Variants in RFX2 observed in about 807,000 individuals in gnomAD.
RFX2 encodes regulatory factor X2.
Under a neutral mutation model 87.8 loss-of-function variants are expected in RFX2, and 20 were observed. That is an observed-to-expected ratio of 0.23 (90% CI 0.16 to 0.33). RFX2 has a LOEUF of 0.33. Ranked by LOEUF, RFX2 falls within the 10% of genes least tolerant of loss-of-function variation. The pLI, the probability that RFX2 is intolerant of heterozygous loss-of-function variation, is 1.00. For synonymous variants in RFX2, 397 were observed against 431.3 expected (o/e 0.92, Z 0.98); for missense variants, 767 against 1,012.3 (o/e 0.76, Z 3.29).
chr19:6,096,645 A>C (rs906858859), intron 1 of RFX2, among the ~76,000 whole-genome samples: 7 of 152,070 alleles, frequency 4.6e-5, no homozygotes, highest in Non-Finnish European at 8.8e-5. Flanking sequence ...ACGGGGTTTC[A>C]CCATGTTAGC....
At chr19:6,108,903 G>A (rs1329520147) in intron 1 of RFX2, among the ~76,000 whole-genome samples, 2 of 152,062 alleles carry the variant, frequency 1.3e-5, no homozygotes, top group Non-Finnish European at 2.9e-5. Flanking sequence ...CTTTCCCAGC[G>A]GTGCAGCGAG....
In RFX2 at chr19:6,022,861, G is replaced by A. The variant is rs181360561; in HGVS notation, c.597+3302C>T. 1.3e-5 allele frequency among the ~76,000 whole-genome samples: 2 copies of A among 152,282 alleles called. No homozygotes were observed. The highest frequency in any genetic ancestry group is 1.3e-4 in the Admixed American group (2 of 15,306). On this transcript the variant is annotated intron_variant, in intron 6 of 17. Transcript: ENST00000303657. The surrounding 1 kb of genome is among the most constrained non-coding windows in gnomAD (Gnocchi z 6.2). ...CTGGGAAGCTCCTGTTGACCGGCTG[G>A]GTCTGGACAATGCTGTCTCGTTTTA...
At position 6,058,904 on chromosome 19, in the gene RFX2, T is replaced by G. The variant is rs187115118; in HGVS notation, c.-8-11400A>C. ...TAATCTTCAGAGGCTGAGAGCAGGC[T>G]GCGCTGACAAGGCCTCCCCTAAGCC... On this transcript the variant is annotated intron_variant, in intron 1 of 17. Coordinates refer to ENST00000303657, the MANE Select transcript of RFX2 (RefSeq NM_000635.4). 2.9e-3 allele frequency among the ~76,000 whole-genome samples: 439 copies of G among 152,138 alleles called. 2 individuals carry two copies. Among genetic ancestry groups the G allele is most frequent in the African/African-American group, 9.9e-3 (409 of 41,494 alleles).
rs1211255806 is a variant in RFX2, at chr19:6,044,755, T to G, written c.91-473A>C. On this transcript the variant is annotated intron_variant, in intron 2 of 17. Coordinates refer to ENST00000303657, the MANE Select transcript of RFX2 (RefSeq NM_000635.4). This position sits in a 1 kb window ranked among gnomAD's most constrained non-coding sequence, Gnocchi z 5.3. ...AGAGCACTCTGTGGCGCCCCTCGCTTCTGCAGTATAACCCGGACTTGTTTC... is the reference window on the plus strand; with the variant it reads ...AGAGCACTCTGTGGCGCCCCTCGCTGCTGCAGTATAACCCGGACTTGTTTC... Among the ~76,000 whole-genome samples the G allele has an allele frequency of 6.6e-6, 1 of 152,206 alleles. No individual in the cohort carries two copies. Among genetic ancestry groups the G allele is most frequent in the Non-Finnish European group, 1.5e-5 (1 of 68,010 alleles).
intron 1 of RFX2, among the ~76,000 whole-genome samples, chr19:6,070,680 A>G (rs1428973536): frequency 6.6e-6 from 1 of 152,102 alleles, no homozygotes; most frequent in Non-Finnish European, 1.5e-5. Context: ...AGGTTTATGC[A>G]CATGATTTGC....
Position 6,036,081 on chromosome 19 carries a change from A to G in RFX2, c.522+3899T>C, listed in dbSNP as rs1007719828. ...AATTTGTGACTTGCAATCCTAGTCT[A>G]TTTTACTGTTATAAGTTGATGCCGT... On this transcript the variant is annotated intron_variant, in intron 5 of 17. Transcript: ENST00000303657. Among the ~76,000 whole-genome samples the G allele has an allele frequency of 2.0e-5, 3 of 152,260 alleles. No homozygotes were observed. In the Middle Eastern group the frequency reaches 0.01, roughly 518 times the overall value.
At chr19:6,086,754 G>A (rs1458891217) in intron 1 of RFX2, among the ~76,000 whole-genome samples, 1 of 152,146 alleles carries the variant, frequency 6.6e-6, no homozygotes, top group African/African-American at 2.4e-5. Context: ...TGTTTTCAGT[G>A]ATGCGCTTCC....
At position 6,011,874 on chromosome 19, in the gene RFX2, G is replaced by T. The variant is rs1037614270; in HGVS notation, c.899+1112C>A. 3.9e-5 allele frequency among the ~76,000 whole-genome samples: 6 copies of T among 152,256 alleles called. No homozygotes were observed. Among genetic ancestry groups the T allele is most frequent in the Non-Finnish European group, 7.3e-5 (5 of 68,052 alleles). On this transcript the variant is annotated intron_variant, in intron 8 of 17. Coordinates refer to ENST00000303657, the MANE Select transcript of RFX2 (RefSeq NM_000635.4). The surrounding 1 kb of genome is among the most constrained non-coding windows in gnomAD (Gnocchi z 4.8). ...CAATGTGGCCCCTGCCCTCAGGGGG[G>T]GCACTTGTGGAGGCACACTGGGAGG...
At chr19:6,031,389 T>C (rs1045045281) in intron 5 of RFX2, among the ~76,000 whole-genome samples, 1 of 151,014 alleles carries the variant, frequency 6.6e-6, no homozygotes, top group East Asian at 1.9e-4. Context: ...CATTCTTAAA[T>C]GAAACTAGTA....
intron 1 of RFX2, chr19:6,072,784 G>T: frequency 1.3e-6 from 1 of 766,254 alleles, no homozygotes. Context: ...TCTCTTCAGT[G>T]CTGCCTACGG....
At position 6,012,553 on chromosome 19, in the gene RFX2, G is replaced by A. The variant is rs759106497; in HGVS notation, c.899+433C>T. 6.6e-6 allele frequency among the ~76,000 whole-genome samples: 1 copy of A among 152,128 alleles called. No individual in the cohort carries two copies. Among genetic ancestry groups the A allele is most frequent in the Non-Finnish European group, 1.5e-5 (1 of 68,030 alleles). ...ATGTACAACACCAAGAGTGAGCCCT[G>A]ATGTTGACTGTGGACTCTGGGGGGT... On this transcript the variant is annotated intron_variant, in intron 8 of 17. Coordinates refer to ENST00000303657, the MANE Select transcript of RFX2 (RefSeq NM_000635.4). The surrounding 1 kb of genome is among the most constrained non-coding windows in gnomAD (Gnocchi z 4.6).
rs2088134186 is a variant in RFX2, at chr19:6,101,987, A to G, written c.-9+8406T>C. Among the ~76,000 whole-genome samples, 1 of 152,234 alleles carries G rather than the reference A, an allele frequency of 6.6e-6. No individual in the cohort carries two copies. Among genetic ancestry groups the G allele is most frequent in the South Asian group, 2.1e-4 (1 of 4,834 alleles). On this transcript the variant is annotated intron_variant, in intron 1 of 17. Coordinates refer to ENST00000303657, the MANE Select transcript of RFX2 (RefSeq NM_000635.4). This position sits in a 1 kb window ranked among gnomAD's most constrained non-coding sequence, Gnocchi z 4.9. ...GGAAGGAAATTCTGATGCATGCTAC[A>G]GCATGGATAAGCCTTGAAGACATTG...
Position 6,027,717 on chromosome 19 carries a change from CA to C in RFX2, c.523-1481del, listed in dbSNP as rs1052781370. On this transcript the variant is annotated intron_variant, in intron 5 of 17. Coordinates refer to ENST00000303657, the MANE Select transcript of RFX2 (RefSeq NM_000635.4). This position sits in a 1 kb window ranked among gnomAD's most constrained non-coding sequence, Gnocchi z 5.0. ...TGGTCTATTAAAAAATACACTATTA[CA>C]AAATTTTGAGATTTCACCACCCACC... Among the ~76,000 whole-genome samples, 17 of 152,204 alleles carry C rather than the reference CA, an allele frequency of 1.1e-4. No homozygotes were observed. Among genetic ancestry groups the C allele is most frequent in the African/African-American group, 3.9e-4 (16 of 41,448 alleles).
At position 6,026,606 on chromosome 19, in the gene RFX2, C is replaced by T. The variant is rs2086891515; in HGVS notation, c.523-369G>A. ...TCAGCCAAGCCAGCATCATAGTCAC[C>T]TGCTCCTTTCCCCACGCCACATCGA... On this transcript the variant is annotated intron_variant, in intron 5 of 17. Coordinates refer to ENST00000303657, the MANE Select transcript of RFX2 (RefSeq NM_000635.4). This position sits in a 1 kb window ranked among gnomAD's most constrained non-coding sequence, Gnocchi z 4.5. The T allele has an allele frequency of 3.6e-6, 1 of 275,100 alleles. No homozygotes were observed. Among genetic ancestry groups the T allele is most frequent in the Non-Finnish European group, 7.0e-6 (1 of 142,686 alleles). The allele number at this position is 275,100 out of a possible 1,614,324, so 17.0% of individuals were successfully genotyped here. A position where few individuals can be genotyped will look rare whatever the true frequency, so the allele number is the denominator to read the frequency against.
At position 6,101,586 on chromosome 19, in the gene RFX2, T is replaced by C. The variant is rs1421578504; in HGVS notation, c.-9+8807A>G. Among the ~76,000 whole-genome samples the C allele has an allele frequency of 6.6e-6, 1 of 152,242 alleles. No individual in the cohort carries two copies. The highest frequency in any genetic ancestry group is 1.5e-5 in the Non-Finnish European group (1 of 68,040). ...TTTAAAAAAGTATAATTAAGTGCTG[T>C]TGCAGCTTTAGGAATGGACTTCTAT... On this transcript the variant is annotated intron_variant, in intron 1 of 17. Coordinates refer to ENST00000303657, the MANE Select transcript of RFX2 (RefSeq NM_000635.4). The surrounding 1 kb of genome is among the most constrained non-coding windows in gnomAD (Gnocchi z 4.9).
rs2087656663 is a variant in RFX2, at chr19:6,074,425, G to A, written c.-8-26921C>T. On this transcript the variant is annotated intron_variant, in intron 1 of 17. Coordinates refer to ENST00000303657, the MANE Select transcript of RFX2 (RefSeq NM_000635.4). This position sits in a 1 kb window ranked among gnomAD's most constrained non-coding sequence, Gnocchi z 5.2. ...ATCTCCTCACCCCACACAGTGCCCT[G>A]GGTACAGGGGCTGGGGCTTGAAGGG... is the stretch of plus-strand genomic sequence containing the variant. Among the ~76,000 whole-genome samples, 1 of 152,130 alleles carries A rather than the reference G, an allele frequency of 6.6e-6. No individual in the cohort carries two copies. The highest frequency in any genetic ancestry group is 2.1e-4 in the South Asian group (1 of 4,824).
At position 6,063,259 on chromosome 19, in the gene RFX2, G is replaced by A. The variant is rs2087465888; in HGVS notation, c.-8-15755C>T. On this transcript the variant is annotated intron_variant, in intron 1 of 17. Coordinates refer to ENST00000303657, the MANE Select transcript of RFX2 (RefSeq NM_000635.4). The surrounding 1 kb of genome is among the most constrained non-coding windows in gnomAD (Gnocchi z 4.0). ...TGATTCCAACGGAATTGGAGCCTACGCCTGCCAGACCCCCAGGCCTGAGCG... is the reference window on the plus strand; with the variant it reads ...TGATTCCAACGGAATTGGAGCCTACACCTGCCAGACCCCCAGGCCTGAGCG... 6.6e-6 allele frequency among the ~76,000 whole-genome samples: 1 copy of A among 152,150 alleles called. No individual in the cohort carries two copies. The highest frequency in any genetic ancestry group is 1.5e-5 in the Non-Finnish European group (1 of 68,032).
At chr19:6,100,836 AT>A (rs1416063499) in intron 1 of RFX2, among the ~76,000 whole-genome samples, 5 of 145,364 alleles carry the variant, frequency 3.4e-5, no homozygotes, top group African/African-American at 1.4e-4. Flanking sequence ...TATTGATTTA[AT>A]TGAATTAATT....
In RFX2 at chr19:6,044,615, C is replaced by T. The variant is rs1217287120; in HGVS notation, c.91-333G>A. Among the ~76,000 whole-genome samples the T allele has an allele frequency of 2.0e-5, 3 of 152,202 alleles. No homozygotes were observed. Among genetic ancestry groups the T allele is most frequent in the African/African-American group, 7.2e-5 (3 of 41,444 alleles). Reference sequence around the variant, plus strand: ...ACGGAAGCACATGCACCTTCACCCGCCCAGGCAGCTTTGCCTCTGTGGGTC... The same window carrying T: ...ACGGAAGCACATGCACCTTCACCCGTCCAGGCAGCTTTGCCTCTGTGGGTC... On this transcript the variant is annotated intron_variant, in intron 2 of 17. Coordinates refer to ENST00000303657, the MANE Select transcript of RFX2 (RefSeq NM_000635.4). The surrounding 1 kb of genome is among the most constrained non-coding windows in gnomAD (Gnocchi z 5.3).
Sources: gnomAD v4.1 joint callset for allele counts (sites outside exome capture counted in the v4.1 genomes callset) on GRCh38, gnomAD v4.1.1 for gene constraint, Gnocchi (gnomAD v3.1) non-coding constraint, MANE v1.5 for transcripts, NCBI Gene and HGNC (gene_info 2026-07-23, HGNC 2026-07-21) for gene names.